RBFOX3: variants seen among roughly 807,000 people sequenced by gnomAD.
RBFOX3 encodes RNA binding fox-1 homolog 3, also known as RNA binding protein fox-1 homolog 3.
Under a neutral mutation model 48.7 loss-of-function variants are expected in RBFOX3, and 17 were observed. The ratio of observed to expected loss-of-function variants is 0.35; its 90% CI spans 0.24 to 0.52. The LOEUF is 0.52. Ranked by LOEUF, RBFOX3 falls within the 20% of genes least tolerant of loss-of-function variation. The pLI, the probability that RBFOX3 is intolerant of heterozygous loss-of-function variation, is 0.94. For missense variants in RBFOX3, 382 were observed against 497.5 expected (o/e 0.77, Z 2.21); for synonymous variants, 212 against 209.5 (o/e 1.01, Z -0.10).
At chr17:79,226,849 C>A (rs180749207) in intron 4 of RBFOX3, among the ~76,000 whole-genome samples, 1 of 152,216 alleles carries the variant, frequency 6.6e-6, no homozygotes, top group Non-Finnish European at 1.5e-5. Flanking sequence ...AAAGAGGGAG[C>A]GTGAGGCTGG....
chr17:79,632,079 T>A, the RBFOX3 span, among the ~76,000 whole-genome samples: 1 of 152,226 alleles, frequency 6.6e-6, no homozygotes, highest in Non-Finnish European at 1.5e-5. Flanking sequence ...GCTGCAGGAA[T>A]GTGGGCCTCC....
intron 3 of RBFOX3, among the ~76,000 whole-genome samples, chr17:79,270,212 G>A (rs2067419833): frequency 6.6e-6 from 1 of 152,028 alleles, no homozygotes; most frequent in African/African-American, 2.4e-5. Flanking sequence ...CAACTCCTCT[G>A]CCAGGGCCCC....
In RBFOX3 at chr17:79,554,900, T is replaced by G. The variant is rs928676115; in HGVS notation, c.-320+55926A>C. On this transcript the variant is annotated intron_variant, in intron 1 of 14. Coordinates refer to ENST00000693108, the MANE Select transcript of RBFOX3 (RefSeq NM_001350451.2). The stretch of plus-strand genomic sequence containing the variant: ...ATAGAAGACCCGGGCTTAGAGAAGC[T>G]AAAGACTTCTCCAAACCATAGAACA... 2.6e-5 allele frequency among the ~76,000 whole-genome samples: 4 copies of G among 152,304 alleles called. No homozygotes were observed. In the South Asian group the frequency reaches 8.3e-4, roughly 32 times the overall value.
At chr17:79,437,436 T>C (rs547977631) in intron 2 of RBFOX3, among the ~76,000 whole-genome samples, 2 of 152,336 alleles carry the variant, frequency 1.3e-5, no homozygotes, top group East Asian at 3.9e-4. Context: ...ACCTCTGAGC[T>C]GAGCTGCCTG....
At chr17:79,533,305 C>T (rs1010576362) in intron 1 of RBFOX3, among the ~76,000 whole-genome samples, 1 of 152,182 alleles carries the variant, frequency 6.6e-6, no homozygotes, top group Non-Finnish European at 1.5e-5. Context: ...GTCCAGGCAT[C>T]GAAAATCCTC....
chr17:79,568,890 C>T (rs2092564316), intron 1 of RBFOX3, among the ~76,000 whole-genome samples: 3 of 152,118 alleles, frequency 2.0e-5, no homozygotes, highest in South Asian at 2.1e-4. Context: ...AGACCCCTGC[C>T]GCCCCACCTC....
At chr17:79,173,972 C>A (rs1281033884) in intron 4 of RBFOX3, among the ~76,000 whole-genome samples, 2 of 152,028 alleles carry the variant, frequency 1.3e-5, no homozygotes, top group African/African-American at 4.8e-5. Context: ...TCCAGGGTCA[C>A]TGGATCTTCT....
the RBFOX3 span, among the ~76,000 whole-genome samples, chr17:79,633,077 G>C: frequency 2.9e-3 from 445 of 152,376 alleles, 6 homozygotes; most frequent in African/African-American, 0.01. Flanking sequence ...GTTCCTCAAG[G>C]AGAGTTTCTC....
At chr17:79,127,909 CCT>C (rs1392681034) in intron 4 of RBFOX3, among the ~76,000 whole-genome samples, 9 of 152,238 alleles carry the variant, frequency 5.9e-5, no homozygotes, top group East Asian at 1.9e-4. Context: ...CTGACTTGCC[CCT>C]GTCACGCTGC....
At chr17:79,652,230 T>G in the RBFOX3 span, among the ~76,000 whole-genome samples, 2 of 152,050 alleles carry the variant, frequency 1.3e-5, no homozygotes, top group African/African-American at 4.8e-5. Flanking sequence ...AAGAATCCAT[T>G]AATATTGTCA....
At chr17:79,393,977 G>A (rs2061679922) in intron 2 of RBFOX3, among the ~76,000 whole-genome samples, 1 of 151,476 alleles carries the variant, frequency 6.6e-6, no homozygotes, top group South Asian at 2.1e-4. Flanking sequence ...CATCGTCTGA[G>A]CCAGTCATGC....
intron 3 of RBFOX3, among the ~76,000 whole-genome samples, chr17:79,284,790 T>C (rs1431919943): frequency 6.6e-6 from 1 of 152,120 alleles, no homozygotes; most frequent in Non-Finnish European, 1.5e-5. Flanking sequence ...TCCACCCACC[T>C]CGGCCTCCCA....
chr17:79,368,106 T>C lies in RBFOX3; in HGVS notation c.-174-60282A>G, dbSNP rs564415830. Among the ~76,000 whole-genome samples the C allele has an allele frequency of 3.9e-4, 60 of 152,372 alleles. 1 individual carries two copies. The South Asian group carries it at 9.5e-3, about 24-fold the overall frequency. On this transcript the variant is annotated intron_variant, in intron 2 of 14. Transcript: ENST00000693108. ...TAAGAGGCGTGGGGACAGAAGTTCC[T>C]GTCCACACCATCCTTTATTACGCAT...
At chr17:79,092,781 A>ATTC (rs2074215535) in intron 14 of RBFOX3, 1 of 377,370 alleles carries the variant, frequency 2.6e-6, no homozygotes, top group African/African-American at 2.2e-5. Flanking sequence ...CCTTGGGGAG[A>ATTC]AAGGAGTTGG....
chr17:79,427,209 T>C (rs1444455970), intron 2 of RBFOX3, among the ~76,000 whole-genome samples: 1 of 152,172 alleles, frequency 6.6e-6, no homozygotes, highest in Non-Finnish European at 1.5e-5. Flanking sequence ...ACTCAGAATC[T>C]GGATCCCAAT....
rs1223423442 is a variant in RBFOX3 at position 79,090,808 on chromosome 17, T to G, written c.*75A>C. ...GCTTGGATCTTAACATCTTTTTTTG[T>G]TTTTTTTGTTTTGTGATTTTTTTTG... On this transcript the variant is annotated 3_prime_UTR_variant, in exon 15 of 15. Transcript: ENST00000693108. 11 of 1,447,992 alleles carry G rather than the reference T, an allele frequency of 7.6e-6. No homozygotes were observed. The highest frequency in any genetic ancestry group is 4.5e-5 in the African/African-American group (3 of 67,386). 89.7% of individuals were successfully genotyped at this position (1,447,992 alleles called of 1,614,324 possible). A position where few individuals can be genotyped will look rare whatever the true frequency, so the allele number is the denominator to read the frequency against.
At chr17:79,536,729 G>A (rs2088826506) in intron 1 of RBFOX3, among the ~76,000 whole-genome samples, 1 of 152,240 alleles carries the variant, frequency 6.6e-6, no homozygotes, top group Admixed American at 6.5e-5. Context: ...TGACCTGTTT[G>A]GCAGGTGTGT....
chr17:79,111,675 C>T lies in RBFOX3; in HGVS notation c.222+3819G>A, dbSNP rs765832079. ...GTCTGGAAGTCCTGACTTCGTGATC[C>T]ACCTGCCTCGGCCTCCCGAAGTGCT... On this transcript the variant is annotated intron_variant, in intron 5 of 14. Coordinates refer to ENST00000693108, the MANE Select transcript of RBFOX3 (RefSeq NM_001350451.2). This position sits in a 1 kb window ranked among gnomAD's most constrained non-coding sequence, Gnocchi z 4.2. Among the ~76,000 whole-genome samples the T allele has an allele frequency of 6.6e-6, 1 of 152,248 alleles. No homozygotes were observed. The highest frequency in any genetic ancestry group is 1.5e-5 in the Non-Finnish European group (1 of 68,044).
intron 4 of RBFOX3, among the ~76,000 whole-genome samples, chr17:79,157,456 A>G (rs909966055): frequency 5.9e-5 from 9 of 152,216 alleles, no homozygotes; most frequent in East Asian, 3.8e-4. Context: ...AAGAACACAG[A>G]TGCCTGGCTT....
Sources: gnomAD v4.1 joint callset for allele counts (sites outside exome capture counted in the v4.1 genomes callset) on GRCh38, gnomAD v4.1.1 for gene constraint, Gnocchi (gnomAD v3.1) non-coding constraint, MANE v1.5 for transcripts, NCBI Gene and HGNC (gene_info 2026-07-23, HGNC 2026-07-21) for gene names.